NID1: variants seen among roughly 807,000 people sequenced by gnomAD.
NID1 encodes nidogen 1.
In NID1, 76 loss-of-function variants were observed where a neutral mutation model predicts 130.6. The observed-to-expected ratio is 0.58, with a 90% CI of 0.48 to 0.70. The LOEUF (loss-of-function observed/expected upper bound fraction) is 0.70, where lower values mean the gene tolerates loss of function less well. NID1 is among the 30% of genes least tolerant of loss of function. The pLI is 0.00. For missense variants in NID1, 1,517 were observed against 1,664.8 expected, an observed-to-expected ratio of 0.91 and a Z score of 1.54; for synonymous variants, 665 against 675.1, an observed-to-expected ratio of 0.98 and a Z score of 0.23.
intron 15 of NID1, among the ~76,000 whole-genome samples, chr1:235,985,069 TTTAGTCCCA>T (rs1657536204): frequency 1.3e-5 from 2 of 151,980 alleles, no homozygotes; most frequent in Admixed American, 1.3e-4. Flanking sequence ...GGCGGGCGAC[TTTAGTCCCA>T]GCTACTCGAG....
chr1:236,051,620 G>A (rs72765465), intron 1 of NID1, among the ~76,000 whole-genome samples: 1 of 152,122 alleles, frequency 6.6e-6, no homozygotes, highest in Admixed American at 6.5e-5. Context: ...AGTCAGACAC[G>A]GGGCTTCTTC....
chr1:236,026,185 G>A (rs779923525), intron 7 of NID1, 44 bp from the exon 8 acceptor site: 12 of 1,604,662 alleles, frequency 7.5e-6, no homozygotes, highest in South Asian at 2.2e-5. Context: ...GGGAGACAGA[G>A]GGAAGATGGT....
chr1:236,004,049 AC>A (rs1246770116), intron 12 of NID1, among the ~76,000 whole-genome samples: 26 of 150,600 alleles, frequency 1.7e-4, no homozygotes, highest in African/African-American at 2.9e-4. Flanking sequence ...AAAAAAAAAA[AC>A]AAGAAGAAAA....
At chr1:236,023,905 C>G (rs994137379) in intron 9 of NID1, among the ~76,000 whole-genome samples, 165 bp downstream of exon 9, 4 of 152,206 alleles carry the variant, frequency 2.6e-5, no homozygotes. Context: ...AGTTTACCCA[C>G]GGGAACAGTG....
At position 235,979,736 on chromosome 1, in the gene NID1, G is replaced by C. The variant is rs1657377080; in HGVS notation, c.3509+86C>G. 4.6e-6 allele frequency: 7 copies of C among 1,518,050 alleles called. No homozygotes were observed. The South Asian group carries it at 6.9e-5, about 15-fold the overall frequency. 94.0% of individuals were successfully genotyped at this position (1,518,050 alleles called of 1,614,324 possible). On this transcript the variant is annotated intron_variant, in intron 18 of 19. Transcript: ENST00000264187. This position sits in a 1 kb window ranked among gnomAD's most constrained non-coding sequence, Gnocchi z 4.6. ...TCTGGAGGCTCAAAAGTCAAGCCAA[G>C]AGGCCAGATGGGAAGGGCCTGGCCT...
intron 1 of NID1, among the ~76,000 whole-genome samples, chr1:236,062,765 A>C (rs1572628006): frequency 6.6e-6 from 1 of 152,134 alleles, no homozygotes; most frequent in Non-Finnish European, 1.5e-5. Flanking sequence ...TAGTTGCTGC[A>C]TGTGTCTCAG....
intron 5 of NID1, 77 bp from the exon 6 acceptor site, chr1:236,032,729 T>C (rs1033969176): frequency 5.2e-6 from 8 of 1,539,946 alleles, no homozygotes; most frequent in South Asian, 1.3e-5. Flanking sequence ...ATGTAGGACC[T>C]GTACCTATTG....
intron 12 of NID1, 73 bp from the exon 13 acceptor site, chr1:235,993,945 A>T: frequency 7.1e-7 from 1 of 1,417,418 alleles, no homozygotes; most frequent in Non-Finnish European, 9.7e-7. Flanking sequence ...GGGCTGCAGG[A>T]GTCCCCGCAG....
Position 236,041,821 on chromosome 1 carries a change from T to C in NID1, c.1135+89A>G, listed in dbSNP as rs4297282. 0.44 allele frequency: 642,706 copies of C among 1,467,286 alleles called. 145,666 individuals are homozygous for C. The highest frequency in any genetic ancestry group is 0.68 in the East Asian group (29,598 of 43,682). The allele number at this position is 1,467,286 out of a possible 1,614,324, so 90.9% of individuals were successfully genotyped here. ...CTTATCTTTACAAACCACCATGTAATGCTCACAACTGACATCTCCCCAGCA... is the reference window on the plus strand; with the variant it reads ...CTTATCTTTACAAACCACCATGTAACGCTCACAACTGACATCTCCCCAGCA... On this transcript the variant is annotated intron_variant, in intron 4 of 19. Transcript: ENST00000264187.
At chr1:236,024,259 T>G (rs1334604710) in intron 8 of NID1, 46 bp from the exon 9 acceptor site, 2 of 1,603,834 alleles carry the variant, frequency 1.2e-6, no homozygotes, top group East Asian at 2.2e-5. Flanking sequence ...TCAGGAGCTC[T>G]TGCAGGTTTC....
chr1:236,016,561 C>T (rs74149231), intron 10 of NID1, among the ~76,000 whole-genome samples: 3,476 of 152,248 alleles, frequency 0.023, 117 homozygotes, highest in African/African-American at 0.077. Flanking sequence ...TCTGGCTGTT[C>T]GTGGCTGACC....
At chr1:236,021,327 C>T (rs1658756586) in intron 9 of NID1, among the ~76,000 whole-genome samples, 1 of 152,184 alleles carries the variant, frequency 6.6e-6, no homozygotes, top group Admixed American at 6.5e-5. Flanking sequence ...CGATACGTTA[C>T]CAGGAAGGTA....
At chr1:235,978,398 C>A (rs966893607) in intron 19 of NID1, among the ~76,000 whole-genome samples, 2 of 152,138 alleles carry the variant, frequency 1.3e-5, no homozygotes, top group African/African-American at 4.8e-5. Flanking sequence ...AGGGGAGAGG[C>A]CTTCAAGAGG....
intron 1 of NID1, among the ~76,000 whole-genome samples, chr1:236,051,013 G>C (rs960581130): frequency 1.3e-5 from 2 of 152,134 alleles, no homozygotes; most frequent in African/African-American, 4.8e-5. Context: ...AGCCCAAGAG[G>C]CAGAGGCTGC....
At chr1:236,038,385 C>G (rs1350851601) in intron 4 of NID1, 132 bp from the exon 5 acceptor site, 1 of 887,142 alleles carries the variant, frequency 1.1e-6, no homozygotes, top group Non-Finnish European at 1.6e-6. Context: ...ACCAGGCTCA[C>G]TACAGAAGAT....
chr1:235,982,462 T>G (rs571067985), intron 15 of NID1, among the ~76,000 whole-genome samples: 73 of 152,246 alleles, frequency 4.8e-4, no homozygotes, highest in Non-Finnish European at 8.8e-4. Flanking sequence ...GGGATAAAGG[T>G]CATTGAAATA....
chr1:235,981,860 G>A, intron 15 of NID1, 78 bp from the exon 16 acceptor site: 1 of 1,326,798 alleles, frequency 7.5e-7, no homozygotes, highest in Non-Finnish European at 1.0e-6. Context: ...AATACTCAAT[G>A]TTATTTCACA....
At chr1:235,991,105 A>G in intron 13 of NID1, 47 bp from the exon 14 acceptor site, 2 of 1,476,402 alleles carry the variant, frequency 1.4e-6, no homozygotes. Flanking sequence ...TGCACCAGGA[A>G]CACACAGATG....
At chr1:236,005,725 G>C (rs1486663128) in intron 12 of NID1, among the ~76,000 whole-genome samples, 2 of 152,072 alleles carry the variant, frequency 1.3e-5, no homozygotes, top group Non-Finnish European at 1.5e-5. Flanking sequence ...AGGAAAAGTG[G>C]TCAAAAACAT....
Sources: allele counts gnomAD v4.1 joint callset (sites outside exome capture counted in the v4.1 genomes callset), GRCh38; gene constraint gnomAD v4.1.1; non-coding constraint Gnocchi (gnomAD v3.1); transcripts MANE v1.5; gene names NCBI Gene and HGNC (gene_info 2026-07-23, HGNC 2026-07-21).